ATP13A4: variants seen among roughly 807,000 people sequenced by gnomAD.
ATP13A4 encodes ATPase 13A4, also known as probable cation-transporting ATPase 13A4.
Under a neutral mutation model 142.5 loss-of-function variants are expected in ATP13A4, and 114 were observed. The ratio of observed to expected loss-of-function variants is 0.80; its 90% CI spans 0.69 to 0.93. ATP13A4 has a LOEUF of 0.93. Among genes scored for constraint, ATP13A4 ranks in the 40% least tolerant of loss-of-function variants. ATP13A4 has a pLI of 0.00. For synonymous variants in ATP13A4, 488 were observed against 514.8 expected (o/e 0.95, Z 0.70); for missense variants, 1,392 against 1,454.0 (o/e 0.96, Z 0.69).
At chr3:193,476,915 A>T (rs1381634624) in intron 8 of ATP13A4, among the ~76,000 whole-genome samples, 1 of 152,074 alleles carries the variant, frequency 6.6e-6, no homozygotes, top group African/African-American at 2.4e-5. Context: ...AGATTGCCTT[A>T]ACAGATATAA....
intron 23 of ATP13A4, among the ~76,000 whole-genome samples, chr3:193,437,530 C>G (rs1716357529): frequency 6.6e-6 from 1 of 152,106 alleles, no homozygotes; most frequent in Admixed American, 6.5e-5. Context: ...CTAAGACAAT[C>G]TCTAACCTCA....
intron 7 of ATP13A4, 22 bp downstream of exon 7, chr3:193,489,708 T>C (rs367619770): frequency 2.4e-4 from 388 of 1,594,984 alleles, no homozygotes; most frequent in Non-Finnish European, 3.1e-4. Context: ...TATGAAACCA[T>C]AGAATTAATA....
intron 25 of ATP13A4, among the ~76,000 whole-genome samples, chr3:193,420,676 G>A (rs1488387399): frequency 6.7e-6 from 1 of 149,372 alleles, no homozygotes; most frequent in Admixed American, 7.0e-5. Flanking sequence ...AGAGTTTAAA[G>A]AATTTAAATG....
chr3:193,499,280 A>G (rs143237433), intron 3 of ATP13A4, among the ~76,000 whole-genome samples: 170 of 152,338 alleles, frequency 1.1e-3, no homozygotes, highest in African/African-American at 3.9e-3. Context: ...AGATTTCACA[A>G]TCTGCAAAGG....
intron 2 of ATP13A4, among the ~76,000 whole-genome samples, chr3:193,566,009 C>T (rs1000353325): frequency 4.6e-5 from 7 of 152,172 alleles, no homozygotes; most frequent in Admixed American, 3.9e-4. Context: ...GGCCATGAGA[C>T]TATCATGAGC....
chr3:193,442,302 A>C (rs777535982), intron 19 of ATP13A4, 91 bp downstream of exon 19: 4 of 1,319,314 alleles, frequency 3.0e-6, no homozygotes, highest in Non-Finnish European at 4.3e-6. Context: ...AGACATTTGG[A>C]AGCATATGTT....
Position 193,402,559 on chromosome 3 carries a change from T to C in ATP13A4, c.*93A>G. The C allele has an allele frequency of 1.4e-6, 1 of 734,610 alleles. No individual in the cohort carries two copies. Among genetic ancestry groups the C allele is most frequent in the South Asian group, 1.5e-5 (1 of 67,762 alleles). The allele number at this position is 734,610 out of a possible 1,614,324, so 45.5% of individuals were successfully genotyped here. ...TGATAGGTAGCCCCAAAACTCCAGC[T>C]GATGTTACAAGAGTCTCATTTCTTA... is the stretch of plus-strand genomic sequence containing the variant. On this transcript the variant is annotated 3_prime_UTR_variant, in exon 30 of 30. Coordinates refer to ENST00000342695, the MANE Select transcript of ATP13A4 (RefSeq NM_032279.4).
chr3:193,407,273 C>A (rs765112312), intron 29 of ATP13A4, 40 bp downstream of exon 29: 1 of 1,541,080 alleles, frequency 6.5e-7, no homozygotes, highest in Non-Finnish European at 9.0e-7. Context: ...CACATGCGTG[C>A]ACACACACAA....
At position 193,418,086 on chromosome 3, in the gene ATP13A4, C is replaced by T. The variant is rs1715186278; in HGVS notation, c.2843-3336G>A. On this transcript the variant is annotated intron_variant, in intron 25 of 29. Transcript: ENST00000342695. ...GCAGTGAGCCGAGATCCCGCCACTG[C>T]ACTCCAGCCTGGGCGACAGAGCGAG... Among the ~76,000 whole-genome samples, 5 of 109,870 alleles carry T rather than the reference C, an allele frequency of 4.6e-5. 1 individual carries two copies. The highest frequency in any genetic ancestry group is 1.1e-4 in the African/African-American group (3 of 27,792). The allele number at this position is 109,870 out of a possible 152,430, so 72.1% of individuals were successfully genotyped here. A position where few individuals can be genotyped will look rare whatever the true frequency, so the allele number is the denominator to read the frequency against.
At chr3:193,538,725 A>C (rs1168672016) in intron 1 of ATP13A4, among the ~76,000 whole-genome samples, 1 of 151,994 alleles carries the variant, frequency 6.6e-6, no homozygotes, top group Non-Finnish European at 1.5e-5. Context: ...GAGACCAAAA[A>C]GGAAATGAGC....
chr3:193,408,589 G>T (rs1714618203), intron 28 of ATP13A4, among the ~76,000 whole-genome samples: 2 of 152,266 alleles, frequency 1.3e-5, no homozygotes, highest in African/African-American at 4.8e-5. Flanking sequence ...TACCCCAACT[G>T]TTATGCTCAG....
At chr3:193,410,007 T>G (rs543983444) in intron 28 of ATP13A4, among the ~76,000 whole-genome samples, 1 of 152,350 alleles carries the variant, frequency 6.6e-6, no homozygotes, top group South Asian at 2.1e-4. Context: ...AGCTGTTTCT[T>G]TAGTCATCTC....
rs1414371580 is a variant in ATP13A4, at chr3:193,435,245, T to C, written c.2769+403A>G. On this transcript the variant is annotated intron_variant, in intron 24 of 29. Transcript: ENST00000342695. ...TTACGCCACTGAAATGGGCAAACAT[T>C]AATAATCAGGTCTTTTTTTTCATGC... is the stretch of plus-strand genomic sequence containing the variant. Among the ~76,000 whole-genome samples, 3 of 102,876 alleles carry C rather than the reference T, an allele frequency of 2.9e-5. No individual in the cohort carries two copies. In the East Asian group the frequency reaches 7.5e-4, roughly 26 times the overall value. The allele number at this position is 102,876 out of a possible 152,430, so 67.5% of individuals were successfully genotyped here.
At chr3:193,541,136 C>T (rs1037670457) in intron 1 of ATP13A4, among the ~76,000 whole-genome samples, 1 of 151,174 alleles carries the variant, frequency 6.6e-6, no homozygotes, top group Non-Finnish European at 1.5e-5. Context: ...GTAGTCCCAG[C>T]TACTCGGGAG....
intron 3 of ATP13A4, among the ~76,000 whole-genome samples, chr3:193,495,467 A>C (rs1210080381): frequency 1.3e-5 from 2 of 152,180 alleles, no homozygotes; most frequent in African/African-American, 2.4e-5. Flanking sequence ...TATCACATTA[A>C]CAGAATGACA....
At chr3:193,493,243 T>C in intron 3 of ATP13A4, 83 bp from the exon 4 acceptor site, 1 of 1,186,710 alleles carries the variant, frequency 8.4e-7, no homozygotes, top group Non-Finnish European at 1.2e-6. Flanking sequence ...AAGCATTTGT[T>C]TGAAAAGCAA....
At chr3:193,489,581 C>T (rs1719828367) in intron 7 of ATP13A4, 149 bp downstream of exon 7, 3 of 775,112 alleles carry the variant, frequency 3.9e-6, no homozygotes, top group Non-Finnish European at 6.4e-6. Flanking sequence ...AATTGTTGAA[C>T]ACTGGTTACT....
chr3:193,431,863 C>T (rs1365892161), intron 25 of ATP13A4, among the ~76,000 whole-genome samples: 2 of 151,932 alleles, frequency 1.3e-5, no homozygotes, highest in Non-Finnish European at 2.9e-5. Context: ...AAGTATACCA[C>T]TGCCTCCTAC....
At chr3:193,561,028 G>A (rs1047296537) in intron 2 of ATP13A4, among the ~76,000 whole-genome samples, 3 of 152,188 alleles carry the variant, frequency 2.0e-5, no homozygotes, top group Admixed American at 6.5e-5. Context: ...TTCCAATTCC[G>A]AGTGGGAGCC....
Sources: gnomAD v4.1 joint callset for allele counts (sites outside exome capture counted in the v4.1 genomes callset) on GRCh38, gnomAD v4.1.1 for gene constraint, MANE v1.5 for transcripts, NCBI Gene and HGNC (gene_info 2026-07-23, HGNC 2026-07-21) for gene names.